FRYL: variants seen among roughly 807,000 people sequenced by gnomAD.
FRYL encodes the protein FRY like transcription coactivator.
A neutral mutation model predicts 351.2 loss-of-function variants in FRYL; 150 were observed. The ratio of observed to expected loss-of-function variants is 0.43; its 90% CI spans 0.37 to 0.49. The LOEUF (loss-of-function observed/expected upper bound fraction) is 0.49. Among genes scored for constraint, FRYL ranks in the 20% least tolerant of loss-of-function variants. The probability of loss-of-function intolerance (pLI) is 0.00; values close to 1 mark genes in which losing one functional copy is unlikely to be tolerated. For missense variants in FRYL, 3,036 were observed against 3,619.3 expected, an observed-to-expected ratio of 0.84 and a Z score of 4.13; for synonymous variants, 1,153 against 1,257.1, an observed-to-expected ratio of 0.92 and a Z score of 1.75.
At chr4:48,691,575 G>A (rs188155986) in intron 2 of FRYL, among the ~76,000 whole-genome samples, 3 of 152,168 alleles carry the variant, frequency 2.0e-5, no homozygotes, top group East Asian at 3.9e-4. Context: ...GCTATTTTCA[G>A]AACTAAGTGT....
In FRYL at chr4:48,561,551, G is replaced by C. The variant is rs1252853143; in HGVS notation, c.3782C>G (p.Pro1261Arg). Residue 1261 changes from proline (P) to arginine (R), a missense_variant, in exon 33 of 64, where the codon CCA (proline) becomes CGA (arginine). Pro to Arg is a moderately radical substitution (Grantham distance 103). Around this residue, in one of 7 missense-constraint regions of FRYL, gnomAD observed 1,987 missense variants for 2,311.7 expected, o/e 0.86. Coordinates refer to ENST00000358350, the MANE Select transcript of FRYL (RefSeq NM_015030.2). ...ATAATATGAAACAGAATAGAGATGT[G>C]GTAGAGGAGACAGCTGGCTGAGTAC... ...DGVLSQLSPL[P>R]HLYSVSYYQL... The C allele has an allele frequency of 1.2e-6, 2 of 1,612,438 alleles. No homozygotes were observed. The highest frequency in any genetic ancestry group is 1.3e-5 in the African/African-American group (1 of 74,886).
chr4:48,715,763 GA>G (rs1242012565), intron 1 of FRYL, among the ~76,000 whole-genome samples: 4 of 151,996 alleles, frequency 2.6e-5, no homozygotes, highest in South Asian at 2.1e-4. Flanking sequence ...CACAGAATTG[GA>G]AAAAAACTAC....
At chr4:48,723,513 T>A (rs1439766090) in intron 1 of FRYL, among the ~76,000 whole-genome samples, 4 of 152,182 alleles carry the variant, frequency 2.6e-5, no homozygotes, top group Non-Finnish European at 4.4e-5. Flanking sequence ...TACTAAATAA[T>A]ACCATCCTTA....
At chr4:48,559,346 G>A (rs1262539485) in intron 33 of FRYL, among the ~76,000 whole-genome samples, 3 of 151,138 alleles carry the variant, frequency 2.0e-5, no homozygotes, top group Admixed American at 1.3e-4. Context: ...TTCCTGGAGG[G>A]AGATGAGATG....
chr4:48,534,540 C>T lies in FRYL; in HGVS notation c.6705+5G>A. On this transcript the variant is annotated splice_donor_5th_base_variant and intron_variant, in intron 49 of 63. Transcript: ENST00000358350. ...ATGTTATATGTAAGTTTTGTGGTCA[C>T]TCACCTGTACATATTTGCCAATAAT... 6.2e-7 allele frequency: 1 copy of T among 1,604,590 alleles called. No individual in the cohort carries two copies.
intron 13 of FRYL, among the ~76,000 whole-genome samples, chr4:48,598,239 A>G (rs1401282916): frequency 6.6e-6 from 1 of 152,194 alleles, no homozygotes; most frequent in Non-Finnish European, 1.5e-5. Context: ...AACCCAAATC[A>G]ATAGGATAAA....
rs1392233676 is a variant in FRYL at position 48,716,312 on chromosome 4, A to G, written c.-383-5614T>C. 6.6e-5 allele frequency among the ~76,000 whole-genome samples: 10 copies of G among 151,506 alleles called. 1 individual carries two copies. The highest frequency in any genetic ancestry group is 1.5e-4 in the Non-Finnish European group (10 of 67,816). ...AACTAAAGAGCTTCTGCACAGCAAA[A>G]GAAACTACCATCAGAGTGAACAGGC... On this transcript the variant is annotated intron_variant, in intron 1 of 63. Coordinates refer to ENST00000358350, the MANE Select transcript of FRYL (RefSeq NM_015030.2).
chr4:48,544,704 T>C (rs1241482505), intron 43 of FRYL, 79 bp downstream of exon 43: 1 of 1,225,322 alleles, frequency 8.2e-7, no homozygotes, highest in South Asian at 1.7e-5. Context: ...ATATCAACTA[T>C]TAACTTTTTG....
At chr4:48,527,405 A>C (rs1419152670) in intron 53 of FRYL, 72 bp downstream of exon 53, 1 of 1,270,648 alleles carries the variant, frequency 7.9e-7, no homozygotes, top group Non-Finnish European at 1.1e-6. Flanking sequence ...ATAAGGAATG[A>C]TCCTGTGATC....
chr4:48,586,201 G>C (rs1478770952), intron 19 of FRYL, among the ~76,000 whole-genome samples: 1 of 151,928 alleles, frequency 6.6e-6, no homozygotes, highest in East Asian at 1.9e-4. Flanking sequence ...TCTGCCATAG[G>C]GGGAAAAAAA....
At chr4:48,744,140 A>G (rs1356173210) in intron 1 of FRYL, among the ~76,000 whole-genome samples, 3 of 152,050 alleles carry the variant, frequency 2.0e-5, no homozygotes, top group Non-Finnish European at 4.4e-5. Context: ...AAATAGTACG[A>G]ATTAGTAGGG....
chr4:48,734,094 T>G (rs1486732592), intron 1 of FRYL, among the ~76,000 whole-genome samples: 1 of 152,108 alleles, frequency 6.6e-6, no homozygotes. Context: ...ATGGTCTAAA[T>G]GCACTAATTA....
intron 1 of FRYL, among the ~76,000 whole-genome samples, chr4:48,740,523 G>C (rs539495032): frequency 3.9e-5 from 6 of 151,994 alleles, no homozygotes; most frequent in Non-Finnish European, 8.8e-5. Context: ...TCGAACTCCT[G>C]ACCTCAGGTG....
intron 1 of FRYL, among the ~76,000 whole-genome samples, chr4:48,758,237 G>T (rs1247821108): frequency 3.3e-5 from 5 of 152,190 alleles, no homozygotes; most frequent in Non-Finnish European, 5.9e-5. Context: ...TGACAAATGA[G>T]ATCTAATTAA....
At chr4:48,639,254 AAGG>A (rs1013109927) in intron 3 of FRYL, among the ~76,000 whole-genome samples, 10 of 152,158 alleles carry the variant, frequency 6.6e-5, no homozygotes, top group Non-Finnish European at 1.3e-4. Context: ...CACAATATTG[AAGG>A]AGAAGAAAAA....
chr4:48,518,944 C>T (rs1577907870), intron 55 of FRYL, among the ~76,000 whole-genome samples: 1 of 152,216 alleles, frequency 6.6e-6, no homozygotes, highest in African/African-American at 2.4e-5. Context: ...ACAGTTGCCA[C>T]GGGCCCCGTG....
intron 13 of FRYL, among the ~76,000 whole-genome samples, chr4:48,600,122 T>C (rs1578290952): frequency 2.0e-5 from 3 of 151,506 alleles, no homozygotes; most frequent in Admixed American, 2.0e-4. Context: ...AAAAAAGGTA[T>C]AGGTCTAATA....
intron 1 of FRYL, among the ~76,000 whole-genome samples, chr4:48,728,829 ATTTC>A (rs1489819704): frequency 6.6e-6 from 1 of 152,186 alleles, no homozygotes; most frequent in African/African-American, 2.4e-5. Flanking sequence ...TGATTTCTGC[ATTTC>A]CAACTGAGGT....
chr4:48,512,278 A>G (rs1308446718), intron 57 of FRYL, among the ~76,000 whole-genome samples: 3 of 152,216 alleles, frequency 2.0e-5, no homozygotes, highest in Non-Finnish European at 2.9e-5. Flanking sequence ...GCCTTAGGGG[A>G]GAAATCTCTA....
Sources: allele counts gnomAD v4.1 joint callset (sites outside exome capture counted in the v4.1 genomes callset), GRCh38; gene constraint gnomAD v4.1.1; regional missense constraint gnomAD v4.1.1; transcripts MANE v1.5; gene names NCBI Gene and HGNC (gene_info 2026-07-23, HGNC 2026-07-21).